PXDNL: variants seen among roughly 807,000 people sequenced by gnomAD.
PXDNL encodes the protein peroxidasin like.
A neutral mutation model predicts 150.8 loss-of-function variants in PXDNL; 145 were observed. The ratio of observed to expected loss-of-function variants is 0.96; its 90% confidence interval spans 0.84 to 1.10. The LOEUF (loss-of-function observed/expected upper bound fraction) is 1.10. PXDNL is among the 50% of genes least tolerant of loss of function. The probability of loss-of-function intolerance (pLI) is 0.00; values close to 1 mark genes in which losing one functional copy is unlikely to be tolerated. For missense variants in PXDNL, 2,087 were observed against 1,873.9 expected, an observed-to-expected ratio of 1.11 and a Z score of -2.10; for synonymous variants, 757 against 725.7, an observed-to-expected ratio of 1.04 and a Z score of -0.69.
intron 12 of PXDNL, among the ~76,000 whole-genome samples, chr8:51,446,186 C>T (rs913966151): frequency 4.6e-5 from 7 of 152,200 alleles, no homozygotes; most frequent in Admixed American, 2.0e-4. Flanking sequence ...CTCACACCTA[C>T]GTTGATGCAT....
At chr8:51,708,182 T>C (rs1335069623) in intron 1 of PXDNL, among the ~76,000 whole-genome samples, 1 of 152,086 alleles carries the variant, frequency 6.6e-6, no homozygotes, top group Non-Finnish European at 1.5e-5. Flanking sequence ...AAATTCCAAG[T>C]TGAAAGAGAG....
chr8:51,577,999 G>A (rs200874911), intron 3 of PXDNL, among the ~76,000 whole-genome samples: 1 of 31,522 alleles, frequency 3.2e-5, no homozygotes, highest in African/African-American at 1.3e-4. Context: ...AAGAAAGAAA[G>A]AGGAAGGAAG....
chr8:51,485,389 C>A (rs1326688081), intron 5 of PXDNL, among the ~76,000 whole-genome samples: 2 of 152,200 alleles, frequency 1.3e-5, no homozygotes, highest in African/African-American at 4.8e-5. Flanking sequence ...CTTGACCAAA[C>A]TCTACTCAGG....
intron 1 of PXDNL, among the ~76,000 whole-genome samples, chr8:51,703,176 T>C (rs1200497873): frequency 1.3e-5 from 2 of 152,192 alleles, no homozygotes; most frequent in African/African-American, 4.8e-5. Flanking sequence ...GAACTTCTTT[T>C]AATTTTCTGT....
At chr8:51,610,425 T>G (rs1479157137) in intron 2 of PXDNL, among the ~76,000 whole-genome samples, 1 of 152,216 alleles carries the variant, frequency 6.6e-6, no homozygotes, top group African/African-American at 2.4e-5. Context: ...TCTATTAGTA[T>G]TCAGTCTTCA....
At chr8:51,806,598 C>G (rs950827368) in intron 1 of PXDNL, among the ~76,000 whole-genome samples, 1 of 152,176 alleles carries the variant, frequency 6.6e-6, no homozygotes, top group Non-Finnish European at 1.5e-5. Context: ...TATACCATTT[C>G]TCTACTAGAA....
intron 1 of PXDNL, among the ~76,000 whole-genome samples, chr8:51,675,717 C>G (rs994690145): frequency 6.9e-6 from 1 of 144,488 alleles, no homozygotes; most frequent in African/African-American, 2.5e-5. Flanking sequence ...CACTCAAACC[C>G]GGGAGGCAGA....
chr8:51,470,451 G>A (rs528530009), intron 8 of PXDNL, among the ~76,000 whole-genome samples: 6 of 152,138 alleles, frequency 3.9e-5, no homozygotes, highest in South Asian at 4.1e-4. Flanking sequence ...GATTATACAC[G>A]TGACAAAAGA....
chr8:51,791,361 C>T (rs2037511886), intron 1 of PXDNL, among the ~76,000 whole-genome samples: 2 of 152,220 alleles, frequency 1.3e-5, no homozygotes, highest in Admixed American at 1.3e-4. Flanking sequence ...TCCAAATTGG[C>T]CAGGACTGTG....
intron 1 of PXDNL, among the ~76,000 whole-genome samples, chr8:51,730,857 A>C (rs1816902996): frequency 6.6e-6 from 1 of 152,184 alleles, no homozygotes; most frequent in South Asian, 2.1e-4. Flanking sequence ...ATACCATCAG[A>C]TCTCATGAGA....
At chr8:51,514,871 G>A (rs1811502275) in intron 4 of PXDNL, among the ~76,000 whole-genome samples, 1 of 152,198 alleles carries the variant, frequency 6.6e-6, no homozygotes, top group Admixed American at 6.5e-5. Flanking sequence ...ACAAGCCAAT[G>A]TCCTTTTCAT....
At chr8:51,379,581 A>G (rs1201312920) in intron 17 of PXDNL, among the ~76,000 whole-genome samples, 3 of 151,844 alleles carry the variant, frequency 2.0e-5, no homozygotes, top group Non-Finnish European at 4.4e-5. Flanking sequence ...ACTGTGATCT[A>G]TGTCAAAATG....
chr8:51,470,177 G>A (rs1175538050), intron 8 of PXDNL, among the ~76,000 whole-genome samples: 1 of 152,036 alleles, frequency 6.6e-6, no homozygotes, highest in Non-Finnish European at 1.5e-5. Context: ...AAGTGCACTT[G>A]AGCAATCTAA....
Position 51,408,664 on chromosome 8 carries a change from G to A in PXDNL, c.2960C>T (p.Ala987Val), listed in dbSNP as rs747583617. Residue 987 changes from alanine (A) to valine (V), a missense_variant, in exon 17 of 23, where the codon GCC becomes GTC. Ala to Val is a moderately conservative substitution (Grantham distance 64, BLOSUM62 0). Transcript: ENST00000356297. ...EHNRMATELS[A>V]LNPHWEGNTV... The stretch of plus-strand genomic sequence containing the variant: ...GTTTCCCTCCCAGTGGGGGTTCAGG[G>A]CGGACAGCTCCGTGGCCATCCTGTT... 1 of 1,603,754 alleles carries A rather than the reference G, an allele frequency of 6.2e-7. No individual in the cohort carries two copies. The highest frequency in any genetic ancestry group is 8.5e-7 in the Non-Finnish European group (1 of 1,174,974).
chr8:51,749,355 A>G (rs1198565340), intron 1 of PXDNL, among the ~76,000 whole-genome samples: 7 of 152,224 alleles, frequency 4.6e-5, no homozygotes, highest in Non-Finnish European at 8.8e-5. Context: ...GTCCTTACAC[A>G]AAGCTAGATG....
At chr8:51,519,398 T>C (rs369604508) in intron 4 of PXDNL, among the ~76,000 whole-genome samples, 73 of 151,970 alleles carry the variant, frequency 4.8e-4, no homozygotes, top group African/African-American at 1.4e-3. Flanking sequence ...CCAGGCGTGG[T>C]GGTGTGCGCC....
At chr8:51,792,433 G>A (rs572188155) in intron 1 of PXDNL, among the ~76,000 whole-genome samples, 20 of 152,294 alleles carry the variant, frequency 1.3e-4, no homozygotes, top group Non-Finnish European at 2.4e-4. Flanking sequence ...GGGGATCCTC[G>A]TGAGCCCACA....
Position 51,447,157 on chromosome 8 carries a change from GCCCT to G in PXDNL, c.1368_1371del (p.Gly457SerfsTer16). 6.2e-7 allele frequency: 1 copy of G among 1,613,008 alleles called. No individual in the cohort carries two copies. Among genetic ancestry groups the G allele is most frequent in the Non-Finnish European group, 8.5e-7 (1 of 1,179,420 alleles). On this transcript the variant is annotated frameshift_variant and splice_region_variant, in exon 12 of 23. Coordinates refer to ENST00000356297, the MANE Select transcript of PXDNL (RefSeq NM_144651.5). LOFTEE classifies it high-confidence loss of function. ...GTATGCTGGCCTTCCACAGGGAGCT[GCCCT>G]CCTGCAAAAAGAGGTAAAGAAAGTA... is the stretch of plus-strand genomic sequence containing the variant.
intron 2 of PXDNL, among the ~76,000 whole-genome samples, chr8:51,594,958 C>T (rs1422905440): frequency 1.3e-5 from 2 of 152,070 alleles, no homozygotes; most frequent in African/African-American, 4.8e-5. Context: ...AAATTTGTGG[C>T]TGTACCCTAT....
Sources: allele counts gnomAD v4.1 joint callset (sites outside exome capture counted in the v4.1 genomes callset), GRCh38; gene constraint gnomAD v4.1.1; transcripts MANE v1.5; gene names NCBI Gene and HGNC (gene_info 2026-07-23, HGNC 2026-07-21).